The following PELP1 variants were observed in gnomAD, a reference collection of about 807,000 sequenced individuals.
PELP1 encodes the protein proline, glutamate and leucine rich protein 1.
Under a neutral mutation model 95.5 loss-of-function variants are expected in PELP1, and 32 were observed. The observed-to-expected ratio is 0.34, with a 90% CI of 0.25 to 0.45. PELP1 has a LOEUF of 0.45. Among genes scored for constraint, PELP1 ranks in the 20% least tolerant of loss-of-function variants. PELP1 has a pLI of 1.00. For missense variants in PELP1, 1,358 were observed against 1,444.8 expected (o/e 0.94, Z 0.97); for synonymous variants, 668 against 600.1 (o/e 1.11, Z -1.65).
Position 4,669,951 on chromosome 17 carries a change from G to T in PELP1, c.*1488C>A, listed in dbSNP as rs1351734708. 2 of 151,930 alleles carry T rather than the reference G, an allele frequency of 1.3e-5. No individual in the cohort carries two copies. Among genetic ancestry groups the T allele is most frequent in the Non-Finnish European group, 2.9e-5 (2 of 68,008 alleles). The allele number at this position is 151,930 out of a possible 1,614,324, so 9.4% of individuals were successfully genotyped here. A position where few individuals can be genotyped will look rare whatever the true frequency, so the allele number is the denominator to read the frequency against. ...GGTGTCTACAGCTTACTTTCACGTGGTCCCATGAAAAAAGAAATGTGTATA... is the reference window on the plus strand; with the variant it reads ...GGTGTCTACAGCTTACTTTCACGTGTTCCCATGAAAAAAGAAATGTGTATA... On this transcript the variant is annotated 3_prime_UTR_variant, in exon 17 of 17. Transcript: ENST00000572293.
chr17:4,686,033 G>A (rs1375944478), intron 3 of PELP1, among the ~76,000 whole-genome samples: 2 of 152,020 alleles, frequency 1.3e-5, no homozygotes, highest in African/African-American at 4.8e-5. Flanking sequence ...GGAGGTGGAG[G>A]TTGCAGTGAG....
intron 5 of PELP1, among the ~76,000 whole-genome samples, chr17:4,679,074 T>G (rs552446566): frequency 6.6e-6 from 1 of 152,002 alleles, no homozygotes; most frequent in Admixed American, 6.6e-5. Context: ...TTACCCAGGC[T>G]AGAGTGCAGT....
intron 7 of PELP1, 84 bp downstream of exon 7, chr17:4,676,273 C>G (rs1170133587): frequency 1.9e-6 from 3 of 1,575,158 alleles, no homozygotes; most frequent in Non-Finnish European, 2.6e-6. Context: ...AAACCAACTG[C>G]CCCATGTCTC....
Position 4,672,456 on chromosome 17 carries a change from C to T in PELP1, c.2535G>A (p.Pro845=), listed in dbSNP as rs760135081. The change falls in exon 16 of 17, where the codon CCG becomes CCA. Residue 845 remains proline (P), a synonymous_variant. Coordinates refer to ENST00000572293, the MANE Select transcript of PELP1 (RefSeq NM_014389.3). ...TCACAGGACCAGGAACAGGCGGCGG[C>T]GGAGGTGGGGGTGGCGGGAGAGGCC... is the stretch of plus-strand genomic sequence containing the variant. ...APGPLPPPPP[P]PPPVPGPVTL... is the part of the protein sequence containing the mutation. 104 of 1,466,968 alleles carry T rather than the reference C, an allele frequency of 7.1e-5. No homozygotes were observed. The highest frequency in any genetic ancestry group is 3.6e-4 in the Middle Eastern group (2 of 5,510). 90.9% of individuals were successfully genotyped at this position (1,466,968 alleles called of 1,614,324 possible). A position where few individuals can be genotyped will look rare whatever the true frequency, so the allele number is the denominator to read the frequency against.
intron 3 of PELP1, among the ~76,000 whole-genome samples, chr17:4,686,026 G>C (rs973487101): frequency 2.0e-5 from 3 of 152,084 alleles, no homozygotes; most frequent in East Asian, 3.9e-4. Flanking sequence ...GAACCCGGGA[G>C]GTGGAGGTTG....
At position 4,676,349 on chromosome 17, in the gene PELP1, G is replaced by A; in HGVS notation, c.853+8C>T. The A allele has an allele frequency of 1.9e-6, 3 of 1,612,008 alleles. No homozygotes were observed. Among genetic ancestry groups the A allele is most frequent in the Non-Finnish European group, 2.5e-6 (3 of 1,178,968 alleles). On this transcript the variant is annotated splice_region_variant and intron_variant, in intron 7 of 16. Coordinates refer to ENST00000572293, the MANE Select transcript of PELP1 (RefSeq NM_014389.3). Reference sequence around the variant, plus strand: ...ATTGTTCCACTAACTAGCAGCCCTGGTCCCTACCAGTCTCTGCTCCCTCGT... The same window carrying A: ...ATTGTTCCACTAACTAGCAGCCCTGATCCCTACCAGTCTCTGCTCCCTCGT...
At chr17:4,679,937 T>C (rs961093469) in intron 5 of PELP1, among the ~76,000 whole-genome samples, 4 of 152,204 alleles carry the variant, frequency 2.6e-5, no homozygotes, top group Admixed American at 2.6e-4. Context: ...CATCACTCCC[T>C]GATCACAGCG....
At chr17:4,699,139 G>C (rs948226434) in intron 1 of PELP1, among the ~76,000 whole-genome samples, 5 of 152,158 alleles carry the variant, frequency 3.3e-5, no homozygotes, top group Non-Finnish European at 7.4e-5. Flanking sequence ...CCAGCACTTC[G>C]AGTGCCGAGG....
chr17:4,674,200 G>A (rs1912354103), intron 13 of PELP1, among the ~76,000 whole-genome samples: 2 of 152,252 alleles, frequency 1.3e-5, no homozygotes, highest in South Asian at 4.1e-4. Flanking sequence ...CCTTGGAGGG[G>A]CTGTGTCGGC....
At chr17:4,693,296 C>A (rs1457255261) in intron 1 of PELP1, among the ~76,000 whole-genome samples, 1 of 152,208 alleles carries the variant, frequency 6.6e-6, no homozygotes, top group African/African-American at 2.4e-5. Flanking sequence ...CAAACGTCCA[C>A]CCACTGGTGA....
chr17:4,687,622 G>A (rs2150561223), intron 3 of PELP1, among the ~76,000 whole-genome samples: 1 of 152,136 alleles, frequency 6.6e-6, no homozygotes, highest in South Asian at 2.1e-4. Flanking sequence ...TAAAGGATTG[G>A]AAAATAAACA....
intron 1 of PELP1, among the ~76,000 whole-genome samples, chr17:4,694,934 GGGAGAATCGCTTGAACCCA>G (rs1177150680): frequency 2.6e-5 from 4 of 151,366 alleles, no homozygotes; most frequent in Non-Finnish European, 5.9e-5. Flanking sequence ...GCTTGAACCC[GGGAGAATCGCTTGAACCCA>G]GGATGCAGAA....
Position 4,703,866 on chromosome 17 carries a change from G to C in PELP1, c.246C>G (p.Ala82=), listed in dbSNP as rs375102117. The C allele has an allele frequency of 9.7e-5, 156 of 1,609,830 alleles. No individual in the cohort carries two copies. Among genetic ancestry groups the C allele is most frequent in the Non-Finnish European group, 1.3e-4 (152 of 1,178,276 alleles). ...LLRLHGSVGG[A]QNLSALGALV... is the part of the protein sequence containing the mutation. The stretch of plus-strand genomic sequence containing the variant: ...GGCACGCGGGCCACGGACTCACCTG[G>C]GCCCCGCCCACCGACCCATGCAGCC... The change falls in exon 1 of 17, where the codon GCC becomes GCG. Residue 82 remains alanine, a synonymous_variant. Transcript: ENST00000572293.
Position 4,671,456 on chromosome 17 carries a change from T to C in PELP1, c.3376A>G (p.Thr1126Ala). ...PPDDEKPPPPTEPDS is the reference protein window; with the variant it reads ...PPDDEKPPPPAEPDS Reference sequence around the variant, plus strand: ...GAAGATGGCTAGGAGTCAGGCTCTGTGGGAGGTGGTGGCTTCTCATCATCA... The same window carrying C: ...GAAGATGGCTAGGAGTCAGGCTCTGCGGGAGGTGGTGGCTTCTCATCATCA... The change falls in exon 17 of 17, where the codon ACA becomes GCA. Residue 1126 changes from threonine to alanine, a missense_variant. Thr to Ala is a moderately conservative substitution (Grantham distance 58, BLOSUM62 0). Transcript: ENST00000572293. 1 of 1,551,922 alleles carries C rather than the reference T, an allele frequency of 6.4e-7. No homozygotes were observed. The highest frequency in any genetic ancestry group is 8.9e-7 in the Non-Finnish European group (1 of 1,123,392).
At chr17:4,683,509 A>AAAAAAGT (rs1912789047) in intron 3 of PELP1, among the ~76,000 whole-genome samples, 1 of 144,666 alleles carries the variant, frequency 6.9e-6, no homozygotes, top group Non-Finnish European at 1.5e-5. Context: ...GTGAGCCATC[A>AAAAAAGT]CGCCCAGCTG....
intron 1 of PELP1, among the ~76,000 whole-genome samples, chr17:4,693,949 C>G (rs1913201742): frequency 6.6e-6 from 1 of 152,170 alleles, no homozygotes; most frequent in South Asian, 2.1e-4. Context: ...GTAGTCCCAG[C>G]TACTTGGGAG....
rs1002057110 is a variant in PELP1, at chr17:4,683,212, A to C, written c.421-260T>G. The C allele has an allele frequency of 7.4e-5, 37 of 499,970 alleles. No homozygotes were observed. In the Admixed American group the frequency reaches 1.5e-3, roughly 21 times the overall value. 31.0% of individuals were successfully genotyped at this position (499,970 alleles called of 1,614,324 possible). On this transcript the variant is annotated intron_variant, in intron 3 of 16. Coordinates refer to ENST00000572293, the MANE Select transcript of PELP1 (RefSeq NM_014389.3). ...TATACCTTAAAGACCTGATTAACTG[A>C]AGAGTTTTCTTTTTTTTTTTTTTTT...
chr17:4,703,474 G>A (rs1030478369), intron 1 of PELP1, among the ~76,000 whole-genome samples: 2 of 152,110 alleles, frequency 1.3e-5, no homozygotes, highest in African/African-American at 4.8e-5. Context: ...TACAGTATCT[G>A]ACCCTCAATA....
At chr17:4,685,848 G>C (rs150899401) in intron 3 of PELP1, among the ~76,000 whole-genome samples, 1 of 151,228 alleles carries the variant, frequency 6.6e-6, no homozygotes, top group Non-Finnish European at 1.5e-5. Context: ...TGTAATCCCA[G>C]CACTTTGGAA....
Sources: allele counts gnomAD v4.1 joint callset (sites outside exome capture counted in the v4.1 genomes callset), GRCh38; gene constraint gnomAD v4.1.1; transcripts MANE v1.5; gene names NCBI Gene and HGNC (gene_info 2026-07-23, HGNC 2026-07-21).